Variants in PIK3R3 observed in about 807,000 individuals in gnomAD.
PIK3R3 encodes phosphatidylinositol 3-kinase regulatory subunit gamma.
PIK3R3 carries 64 observed loss-of-function variants against 62.9 expected under a neutral mutation model. The ratio of observed to expected loss-of-function variants is 1.02; its 90% CI spans 0.83 to 1.25. PIK3R3 has a LOEUF of 1.25. Among genes scored for constraint, PIK3R3 ranks in the 50% most tolerant of loss-of-function variants. The pLI is 0.00. For missense variants in PIK3R3, 614 were observed against 561.6 expected, an observed-to-expected ratio of 1.09 and a Z score of -0.94; for synonymous variants, 165 against 189.0, an observed-to-expected ratio of 0.87 and a Z score of 1.04.
chr1:46,130,586 A>C (rs1165579311), intron 1 of PIK3R3, among the ~76,000 whole-genome samples: 2 of 152,118 alleles, frequency 1.3e-5, no homozygotes, highest in Non-Finnish European at 1.5e-5. Context: ...AGGATAATTC[A>C]CCGTTTGCAA....
the PIK3R3 span, among the ~76,000 whole-genome samples, chr1:46,145,123 CAAAAA>C: frequency 1.3e-5 from 1 of 78,592 alleles, no homozygotes; most frequent in Non-Finnish European, 2.8e-5. Context: ...AACTCCACCT[CAAAAA>C]AAAAAAAAAA....
In PIK3R3 at chr1:46,067,052, C is replaced by T. The variant is rs1649061592; in HGVS notation, c.354G>A (p.Arg118=). The change falls in exon 4 of 10, where the codon CGG becomes CGA. Residue 118 remains arginine (R), a synonymous_variant. Coordinates refer to ENST00000262741, the MANE Select transcript of PIK3R3 (RefSeq NM_003629.4). ...GATCAGAAAAGCCATATTTACCATC[C>T]CGGTGATAGATCTTTATTAACTTAT... ...GNNKLIKIYH[R]DGKYGFSDPL... 1.3e-6 allele frequency: 2 copies of T among 1,596,554 alleles called. No individual in the cohort carries two copies.
At chr1:46,110,175 G>A (rs1428464406) in intron 1 of PIK3R3, among the ~76,000 whole-genome samples, 4 of 149,824 alleles carry the variant, frequency 2.7e-5, no homozygotes, top group Admixed American at 2.7e-4. Context: ...GCAGTGGCAC[G>A]ATCTCAGCTC....
rs1164505568 is a variant in PIK3R3, at chr1:46,044,082, T to C, written c.1188-211A>G. Among the ~76,000 whole-genome samples, 1 of 43,004 alleles carries C rather than the reference T, an allele frequency of 2.3e-5. No individual in the cohort carries two copies. Among genetic ancestry groups the C allele is most frequent in the Non-Finnish European group, 4.9e-5 (1 of 20,340 alleles). 28.2% of individuals were successfully genotyped at this position (43,004 alleles called of 152,430 possible). A position where few individuals can be genotyped will look rare whatever the true frequency, so the allele number is the denominator to read the frequency against. ...CAAATGTAAGGGTTTATTTATTTCT[T>C]TTTTTTTTTTTTAGACAGGGTCTCG... On this transcript the variant is annotated intron_variant, in intron 9 of 9. Transcript: ENST00000262741. The surrounding 1 kb of genome is among the most constrained non-coding windows in gnomAD (Gnocchi z 4.2).
At chr1:46,146,724 CACACACACA>C in the PIK3R3 span, among the ~76,000 whole-genome samples, 1 of 126,284 alleles carries the variant, frequency 7.9e-6, no homozygotes, top group Non-Finnish European at 1.9e-5. Context: ...CACACACACA[CACACACACA>C]CACACACACA....
intron 1 of PIK3R3, among the ~76,000 whole-genome samples, chr1:46,112,666 TCTCA>T (rs1386223373): frequency 6.6e-6 from 1 of 152,154 alleles, no homozygotes; most frequent in South Asian, 2.1e-4. Context: ...AGCATTCCAT[TCTCA>T]CTGTGATCTC....
intron 1 of PIK3R3, among the ~76,000 whole-genome samples, chr1:46,130,986 C>T (rs1655529311): frequency 6.6e-6 from 1 of 152,118 alleles, no homozygotes; most frequent in South Asian, 2.1e-4. Flanking sequence ...TCTGTAATAG[C>T]GTCAGACAGA....
the PIK3R3 span, chr1:46,138,874 G>A: frequency 6.6e-6 from 1 of 152,168 alleles, no homozygotes; most frequent in Admixed American, 6.5e-5. Flanking sequence ...CAGGGTAGAG[G>A]CTACCTTCCA....
intron 1 of PIK3R3, among the ~76,000 whole-genome samples, chr1:46,097,917 C>T (rs903053155): frequency 6.6e-6 from 1 of 150,738 alleles, no homozygotes; most frequent in African/African-American, 2.4e-5. Flanking sequence ...AGATTCTAGC[C>T]AGGGCTATTA....
At chr1:46,115,016 G>A (rs891509187) in intron 1 of PIK3R3, among the ~76,000 whole-genome samples, 1 of 152,078 alleles carries the variant, frequency 6.6e-6, no homozygotes, top group African/African-American at 2.4e-5. Flanking sequence ...TTAAGACAGT[G>A]ATCCTTTGGA....
Position 46,132,011 on chromosome 1 carries a change from T to G in PIK3R3, c.-59A>C. 5 of 1,583,644 alleles carry G rather than the reference T, an allele frequency of 3.2e-6. No homozygotes were observed. Among genetic ancestry groups the G allele is most frequent in the Non-Finnish European group, 4.3e-6 (5 of 1,168,702 alleles). On this transcript the variant is annotated 5_prime_UTR_variant, in exon 1 of 10. Transcript: ENST00000262741. ...TAGAAGGCATATATTTTTTATCTGGTATTTAAAAATCTAAAAATATATATC... is the reference window on the plus strand; with the variant it reads ...TAGAAGGCATATATTTTTTATCTGGGATTTAAAAATCTAAAAATATATATC...
rs1646996725 is a variant in PIK3R3 at position 46,041,538 on chromosome 1, T to C, written c.*2135A>G. 1.7e-5 allele frequency: 3 copies of C among 177,324 alleles called. No individual in the cohort carries two copies. Among genetic ancestry groups the C allele is most frequent in the South Asian group, 2.0e-4 (1 of 5,034 alleles). The allele number at this position is 177,324 out of a possible 1,614,324, so 11.0% of individuals were successfully genotyped here. A position where few individuals can be genotyped will look rare whatever the true frequency, so the allele number is the denominator to read the frequency against. On this transcript the variant is annotated 3_prime_UTR_variant, in exon 10 of 10. Transcript: ENST00000262741. ...CTACAGCCCTGTATCTGTATTTCCA[T>C]TTTGGTTTAAAAGACACTCAGAACA... is the stretch of plus-strand genomic sequence containing the variant.
At chr1:46,045,527 A>T (rs1647085920) in intron 9 of PIK3R3, among the ~76,000 whole-genome samples, 1 of 151,448 alleles carries the variant, frequency 6.6e-6, no homozygotes, top group Admixed American at 6.6e-5. Context: ...TTTCCTTCTG[A>T]AGTAAAAACA....
At chr1:46,148,353 G>GTTCCCAGTTCTCC in the PIK3R3 span, among the ~76,000 whole-genome samples, 1 of 152,226 alleles carries the variant, frequency 6.6e-6, no homozygotes, top group Non-Finnish European at 1.5e-5. Context: ...AACCAGACTC[G>GTTCCCAGTTCTCC]TTCCCAGTTC....
At position 46,055,775 on chromosome 1, in the gene PIK3R3, T is replaced by A. The variant is rs1269646068; in HGVS notation, c.941+20A>T. ...CCTGGCACTAACGTCTCCCTCCCCA[T>A]ACACTCCCAGACTACTTACACAAGG... On this transcript the variant is annotated intron_variant, in intron 7 of 9. Transcript: ENST00000262741. 6.5e-7 allele frequency: 1 copy of A among 1,537,196 alleles called. No individual in the cohort carries two copies. The highest frequency in any genetic ancestry group is 2.0e-5 in the Admixed American group (1 of 50,176).
chr1:46,080,597 G>A (rs780212604), intron 2 of PIK3R3, 45 bp downstream of exon 2: 13 of 1,289,628 alleles, frequency 1.0e-5, no homozygotes, highest in Non-Finnish European at 1.5e-5. Context: ...TCTCAAAAAT[G>A]ACTTTTTAAA....
chr1:46,119,245 G>C (rs188121095), intron 1 of PIK3R3, among the ~76,000 whole-genome samples: 2 of 152,272 alleles, frequency 1.3e-5, no homozygotes, highest in Admixed American at 1.3e-4. Context: ...ACTTAGAATA[G>C]TGCCTGGCAG....
intron 1 of PIK3R3, among the ~76,000 whole-genome samples, chr1:46,119,085 G>A (rs932063174): frequency 9.9e-5 from 15 of 152,052 alleles, no homozygotes; most frequent in South Asian, 2.1e-4. Flanking sequence ...CTCTCACCCT[G>A]TACTCTATTT....
chr1:46,066,923 G>C lies in PIK3R3; in HGVS notation c.483C>G (p.Ser161=). The change falls in exon 4 of 10, where the codon TCC becomes TCG. Residue 161 remains serine, a synonymous_variant. Coordinates refer to ENST00000262741, the MANE Select transcript of PIK3R3 (RefSeq NM_003629.4). ...KLDVKLMYPV[S]RYQQDQLVKE... ...TCCATAATCATACCTGTTGGTATCTGGACACTGGGTACATCAGCTTCACAT... is the reference window on the plus strand; with the variant it reads ...TCCATAATCATACCTGTTGGTATCTCGACACTGGGTACATCAGCTTCACAT... 1 of 1,612,686 alleles carries C rather than the reference G, an allele frequency of 6.2e-7. No individual in the cohort carries two copies. The highest frequency in any genetic ancestry group is 8.5e-7 in the Non-Finnish European group (1 of 1,178,942).
Sources: allele counts gnomAD v4.1 joint callset (sites outside exome capture counted in the v4.1 genomes callset), GRCh38; gene constraint gnomAD v4.1.1; non-coding constraint Gnocchi (gnomAD v3.1); transcripts MANE v1.5; gene names NCBI Gene and HGNC (gene_info 2026-07-23, HGNC 2026-07-21).